Variants in RAB28 observed in about 807,000 individuals in gnomAD.
The protein encoded by RAB28 is RAB28, member RAS oncogene family, also known as ras-related protein Rab-28.
Under a neutral mutation model 31.7 loss-of-function variants are expected in RAB28, and 24 were observed. The observed-to-expected ratio is 0.76, with a 90% CI of 0.55 to 1.06. The LOEUF is 1.06. Ranked by LOEUF, RAB28 falls within the 50% of genes least tolerant of loss-of-function variation. The probability of loss-of-function intolerance (pLI) is 0.00; values close to 1 mark genes in which losing one functional copy is unlikely to be tolerated. For missense variants in RAB28, 254 were observed against 258.5 expected, an observed-to-expected ratio of 0.98 and a Z score of 0.12; for synonymous variants, 100 against 90.4, an observed-to-expected ratio of 1.11 and a Z score of -0.60.
chr4:13,425,450 T>G (rs1713422456), intron 4 of RAB28, among the ~76,000 whole-genome samples: 1 of 152,108 alleles, frequency 6.6e-6, no homozygotes, highest in African/African-American at 2.4e-5. Context: ...CACAATAATT[T>G]AACACAATAT....
At chr4:13,481,486 C>A (rs1716602471) in intron 1 of RAB28, among the ~76,000 whole-genome samples, 2 of 151,918 alleles carry the variant, frequency 1.3e-5, no homozygotes, top group South Asian at 4.1e-4. Flanking sequence ...ACAACTAGCT[C>A]CCATATCAGA....
intron 4 of RAB28, among the ~76,000 whole-genome samples, chr4:13,416,421 C>T (rs1006405971): frequency 2.0e-5 from 3 of 152,174 alleles, no homozygotes; most frequent in Non-Finnish European, 4.4e-5. Context: ...GTAACACTCA[C>T]CGCGAGGGTC....
At chr4:13,482,713 GT>G (rs1553817363) in intron 1 of RAB28, among the ~76,000 whole-genome samples, 1 of 152,088 alleles carries the variant, frequency 6.6e-6, no homozygotes, top group Non-Finnish European at 1.5e-5. Context: ...ACGTTTAAAG[GT>G]AATCAGAGCA....
intron 4 of RAB28, among the ~76,000 whole-genome samples, chr4:13,401,644 T>C (rs893457698): frequency 6.6e-6 from 1 of 152,240 alleles, no homozygotes. Flanking sequence ...TTTGTAATGA[T>C]TTCTTCTCTT....
chr4:13,397,030 A>G (rs1368218113), intron 4 of RAB28, among the ~76,000 whole-genome samples: 1 of 152,166 alleles, frequency 6.6e-6, no homozygotes. Context: ...AACCACTCAC[A>G]AAGTATTTGT....
intron 4 of RAB28, among the ~76,000 whole-genome samples, chr4:13,382,585 G>A (rs1422414266): frequency 6.6e-6 from 1 of 151,144 alleles, no homozygotes; most frequent in African/African-American, 2.4e-5. Context: ...AAATTATATT[G>A]AAAGTCTTTA....
chr4:13,390,777 C>G (rs1408389836), intron 4 of RAB28, among the ~76,000 whole-genome samples: 4 of 152,256 alleles, frequency 2.6e-5, no homozygotes, highest in Admixed American at 6.5e-5. Context: ...TGATCTTTGA[C>G]AAACCTGACA....
At chr4:13,446,612 G>C (rs1714711895) in intron 4 of RAB28, among the ~76,000 whole-genome samples, 1 of 152,106 alleles carries the variant, frequency 6.6e-6, no homozygotes, top group Admixed American at 6.5e-5. Flanking sequence ...GGGGGATCCC[G>C]GCTCCGTGCA....
intron 4 of RAB28, among the ~76,000 whole-genome samples, chr4:13,382,325 A>C (rs554792873): frequency 5.9e-5 from 9 of 152,306 alleles, no homozygotes; most frequent in African/African-American, 1.9e-4. Context: ...TCTTTTTACA[A>C]CACTACAGAC....
At position 13,479,333 on chromosome 4, in the gene RAB28, T is replaced by G. The variant is rs28590230; in HGVS notation, c.172+97A>C. ...TTTACTGTTTATATACATCTTCATG[T>G]AGAAGCAGCCCCAAAATTTTACACA... On this transcript the variant is annotated intron_variant, in intron 2 of 6. Coordinates refer to ENST00000330852, the MANE Select transcript of RAB28 (RefSeq NM_001017979.3). 6 of 792,234 alleles carry G rather than the reference T, an allele frequency of 7.6e-6. No homozygotes were observed. In the African/African-American group the frequency reaches 8.9e-5, roughly 12 times the overall value. The allele number at this position is 792,234 out of a possible 1,614,324, so 49.1% of individuals were successfully genotyped here.
chr4:13,469,992 G>A (rs1231488279), intron 3 of RAB28, among the ~76,000 whole-genome samples: 1 of 152,022 alleles, frequency 6.6e-6, no homozygotes, highest in Admixed American at 6.6e-5. Flanking sequence ...GCCTGGACTT[G>A]ACAGAAGTTT....
intron 4 of RAB28, among the ~76,000 whole-genome samples, chr4:13,401,095 C>T (rs967398749): frequency 1.3e-5 from 2 of 152,040 alleles, no homozygotes; most frequent in African/African-American, 4.8e-5. Context: ...GGAGGTATTC[C>T]AACACCTTTG....
chr4:13,400,159 C>A (rs1711666242), intron 4 of RAB28, among the ~76,000 whole-genome samples: 1 of 152,130 alleles, frequency 6.6e-6, no homozygotes, highest in Admixed American at 6.5e-5. Context: ...ACTATAATAT[C>A]CAAGTTCCAC....
At position 13,442,540 on chromosome 4, in the gene RAB28, A is replaced by C. The variant is rs550626513; in HGVS notation, c.391+18159T>G. Among the ~76,000 whole-genome samples, 20 of 151,948 alleles carry C rather than the reference A, an allele frequency of 1.3e-4. No homozygotes were observed. In the South Asian group the frequency reaches 3.3e-3, roughly 25 times the overall value. ...ATGAAGGCTTGGCTTCTAAATATTA[A>C]TTATAACCAAAATTTTAATCATTAT... On this transcript the variant is annotated intron_variant, in intron 4 of 6. Transcript: ENST00000330852.
chr4:13,454,886 T>C (rs1413141279), intron 4 of RAB28, among the ~76,000 whole-genome samples: 1 of 152,166 alleles, frequency 6.6e-6, no homozygotes, highest in Non-Finnish European at 1.5e-5. Flanking sequence ...GTGTGTCTGC[T>C]GGAGGTAGCC....
In RAB28 at chr4:13,367,844, G is replaced by A; in HGVS notation, c.*714C>T. ...GCAGTTTGCAAGAGAAATTCCACGTGGAGCATCAGCTGAACATTTATCAGA... is the reference window on the plus strand; with the variant it reads ...GCAGTTTGCAAGAGAAATTCCACGTAGAGCATCAGCTGAACATTTATCAGA... On this transcript the variant is annotated 3_prime_UTR_variant, in exon 7 of 7. Transcript: ENST00000330852. 1 of 984,754 alleles carries A rather than the reference G, an allele frequency of 1.0e-6. No individual in the cohort carries two copies. The highest frequency in any genetic ancestry group is 4.7e-5 in the South Asian group (1 of 21,258). The allele number at this position is 984,754 out of a possible 1,614,324, so 61.0% of individuals were successfully genotyped here.
intron 1 of RAB28, among the ~76,000 whole-genome samples, chr4:13,480,601 A>T (rs1214136408): frequency 2.0e-5 from 3 of 152,028 alleles, no homozygotes; most frequent in Admixed American, 6.5e-5. Flanking sequence ...TTTTAGCAAG[A>T]TCATCTAAAA....
At chr4:13,376,259 T>C (rs924656112) in intron 6 of RAB28, among the ~76,000 whole-genome samples, 8 of 152,144 alleles carry the variant, frequency 5.3e-5, no homozygotes, top group Non-Finnish European at 1.2e-4. Flanking sequence ...CCAAACAATG[T>C]GGTCAGCACC....
chr4:13,483,129 T>C (rs1716687492), intron 1 of RAB28, among the ~76,000 whole-genome samples: 1 of 152,110 alleles, frequency 6.6e-6, no homozygotes, highest in African/African-American at 2.4e-5. Flanking sequence ...CTCTTCACTA[T>C]TTGCTGGTGG....
Sources: gnomAD v4.1 joint callset for allele counts (sites outside exome capture counted in the v4.1 genomes callset) on GRCh38, gnomAD v4.1.1 for gene constraint, MANE v1.5 for transcripts, NCBI Gene and HGNC (gene_info 2026-07-23, HGNC 2026-07-21) for gene names.